Variants in PPP1R13L observed in about 807,000 individuals in gnomAD.
PPP1R13L encodes the protein relA-associated inhibitor.
In PPP1R13L, 50 loss-of-function variants were observed where a neutral mutation model predicts 80.9. That is an observed-to-expected ratio of 0.62 (90% CI 0.49 to 0.78). PPP1R13L has a LOEUF of 0.78. Among genes scored for constraint, PPP1R13L ranks in the 30% least tolerant of loss-of-function variants. The pLI, the probability that PPP1R13L is intolerant of heterozygous loss-of-function variation, is 0.00. For synonymous variants in PPP1R13L, 602 were observed against 534.3 expected (o/e 1.13, Z -1.75); for missense variants, 1,200 against 1,205.9 (o/e 1.00, Z 0.07).
Position 45,396,950 on chromosome 19 carries a change from C to T in PPP1R13L, c.307G>A (p.Ala103Thr), listed in dbSNP as rs889642954. ...ADTPFGRSES[A>T]PTLHPYSPLS... ...GGGCTGTAGGGGTGTAGGGTTGGGG[C>T]ACTCTCTGATCGTCCGAACGGGGTG... The change falls in exon 4 of 13, where the codon GCC becomes ACC. Residue 103 changes from alanine to threonine, a missense_variant. This residue lies in a region of PPP1R13L where 764 missense variants were observed against 714.5 expected (regional missense o/e 1.07). Coordinates refer to ENST00000360957, the MANE Select transcript of PPP1R13L (RefSeq NM_006663.4). This position sits in a 1 kb window ranked among gnomAD's most constrained non-coding sequence, Gnocchi z 5.3. 3.5e-6 allele frequency: 5 copies of T among 1,429,364 alleles called. No homozygotes were observed. The highest frequency in any genetic ancestry group is 4.6e-6 in the Non-Finnish European group (5 of 1,093,242). 88.5% of individuals were successfully genotyped at this position (1,429,364 alleles called of 1,614,324 possible). A position where few individuals can be genotyped will look rare whatever the true frequency, so the allele number is the denominator to read the frequency against.
In PPP1R13L at chr19:45,385,819, C is replaced by A; in HGVS notation, c.2081+5G>T. ...ACCCAGCCCACCGCGCGGGTCGGGG[C>A]TCACCAGCCGTGGCTGTCGGGGGAG... On this transcript the variant is annotated splice_donor_5th_base_variant and intron_variant, in intron 10 of 12. Coordinates refer to ENST00000360957, the MANE Select transcript of PPP1R13L (RefSeq NM_006663.4). The A allele has an allele frequency of 6.2e-7, 1 of 1,610,372 alleles. No individual in the cohort carries two copies. Among genetic ancestry groups the A allele is most frequent in the East Asian group, 2.2e-5 (1 of 44,794 alleles).
chr19:45,394,530 C>G (rs1397950651), intron 7 of PPP1R13L: 1 of 152,008 alleles, frequency 6.6e-6, no homozygotes, highest in Non-Finnish European at 1.5e-5. Flanking sequence ...GTCACCTGTG[C>G]TGGAGTGCAG....
intron 1 of PPP1R13L, among the ~76,000 whole-genome samples, chr19:45,401,259 G>A (rs2123401677): frequency 6.6e-6 from 1 of 151,454 alleles, no homozygotes; most frequent in East Asian, 2.0e-4. Flanking sequence ...GGAGGCTGAG[G>A]CAGGAGAATG....
intron 11 of PPP1R13L, among the ~76,000 whole-genome samples, chr19:45,384,424 A>T (rs1972827910): frequency 6.6e-6 from 1 of 151,012 alleles, no homozygotes; most frequent in Non-Finnish European, 1.5e-5. Context: ...AATCCCAGTT[A>T]CTCGGGAGCC....
rs767862816 is a variant in PPP1R13L at position 45,396,586 on chromosome 19, C to G, written c.671G>C (p.Gly224Ala). 117 of 1,499,842 alleles carry G rather than the reference C, an allele frequency of 7.8e-5. No homozygotes were observed. The highest frequency in any genetic ancestry group is 3.6e-4 in the Admixed American group (16 of 44,036). 92.9% of individuals were successfully genotyped at this position (1,499,842 alleles called of 1,614,324 possible). The change falls in exon 4 of 13, where the codon GGC (glycine) becomes GCC (alanine). Residue 224 changes from glycine to alanine, a missense_variant. Around this residue, in one of 5 missense-constraint regions of PPP1R13L, gnomAD observed 764 missense variants for 714.5 expected, o/e 1.07. Transcript: ENST00000360957. This position sits in a 1 kb window ranked among gnomAD's most constrained non-coding sequence, Gnocchi z 5.3. Reference protein sequence around the residue: ...PASAFGSSLLGSGGSAFAPPL... With the variant: ...PASAFGSSLLASGGSAFAPPL... ...CGGGGCGAATGCGCTGCCGCCGGAG[C>G]CTAGCAGGGAGCTCCCGAAGGCGGA...
chr19:45,393,224 A>AACAC (rs543706703), intron 7 of PPP1R13L: 4 of 149,742 alleles, frequency 2.7e-5, no homozygotes, highest in Non-Finnish European at 5.9e-5. Context: ...CACACACACA[A>AACAC]ACACACACAC....
chr19:45,395,295 C>T, intron 7 of PPP1R13L, 141 bp downstream of exon 7: 1 of 1,214,448 alleles, frequency 8.2e-7, no homozygotes, highest in Non-Finnish European at 1.2e-6. Flanking sequence ...TTCCCAAACT[C>T]ACCTGGCCTA....
rs112524297 is a variant in PPP1R13L, at chr19:45,383,953, C to G, written c.2249-1227G>C. Among the ~76,000 whole-genome samples, 383 of 151,896 alleles carry G rather than the reference C, an allele frequency of 2.5e-3. 1 individual carries two copies. The highest frequency in any genetic ancestry group is 8.7e-3 in the African/African-American group (359 of 41,446). On this transcript the variant is annotated intron_variant, in intron 11 of 12. Transcript: ENST00000360957. ...AATTGTTTTATATTTTTAATAGAGA[C>G]GGGGTTTCACCGTGTTGCCCAGGCT...
chr19:45,393,756 C>T (rs1487250003), intron 7 of PPP1R13L, among the ~76,000 whole-genome samples: 1 of 151,838 alleles, frequency 6.6e-6, no homozygotes, highest in African/African-American at 2.4e-5. Flanking sequence ...GCCTGTAGTC[C>T]CAGCCACTCG....
chr19:45,392,093 G>A lies in PPP1R13L; in HGVS notation c.1602C>T (p.Ala534=). The A allele has an allele frequency of 6.5e-7, 1 of 1,543,000 alleles. No individual in the cohort carries two copies. The highest frequency in any genetic ancestry group is 8.7e-7 in the Non-Finnish European group (1 of 1,144,812). The change falls in exon 8 of 13, where the codon GCC becomes GCT. Residue 534 remains alanine (A), a synonymous_variant. Transcript: ENST00000360957. ...RGSMEQAPAV[A]LPPTHKKQYQ... ...ACTGTTTCTTGTGGGTAGGGGGCAG[G>A]GCCACAGCAGGGGCCTGCTCCATGG... is the stretch of plus-strand genomic sequence containing the variant.
At chr19:45,405,294 A>G (rs1432222058), upstream of PPP1R13L, among the ~76,000 whole-genome samples, 2 of 152,196 alleles carry the variant, frequency 1.3e-5, no homozygotes, top group Non-Finnish European at 2.9e-5. Flanking sequence ...AGGGAGATAC[A>G]GAAGAGCCGA....
chr19:45,396,629 C>A lies in PPP1R13L; in HGVS notation c.628G>T (p.Ala210Ser). ...AAGGCGGACGCTGGCGCGTCGTAGG[C>A]TGTGGCAGGGGGGCGCGGTGACGGC... ...RGPSPRPPAT[A>S]YDAPASAFGS... The change falls in exon 4 of 13, where the codon GCC becomes TCC. Residue 210 changes from alanine (A) to serine (S), a missense_variant. Physicochemically the swap from Ala to Ser is moderately conservative, Grantham distance 99. This residue lies in a region of PPP1R13L where 764 missense variants were observed against 714.5 expected (regional missense o/e 1.07). Transcript: ENST00000360957. This position sits in a 1 kb window ranked among gnomAD's most constrained non-coding sequence, Gnocchi z 5.3. The A allele has an allele frequency of 6.7e-7, 1 of 1,483,754 alleles. No individual in the cohort carries two copies. The highest frequency in any genetic ancestry group is 8.9e-7 in the Non-Finnish European group (1 of 1,126,832). 91.9% of individuals were successfully genotyped at this position (1,483,754 alleles called of 1,614,324 possible).
rs1973095909 is a variant in PPP1R13L at position 45,396,459 on chromosome 19, G to A, written c.713-23C>T. ...CGTCTGGGGAGAAGTTTCCAGGGAG[G>A]ATGAGACGGGAGGGGTGGCGAGCCC... On this transcript the variant is annotated intron_variant, in intron 4 of 12. Coordinates refer to ENST00000360957, the MANE Select transcript of PPP1R13L (RefSeq NM_006663.4). This position sits in a 1 kb window ranked among gnomAD's most constrained non-coding sequence, Gnocchi z 5.3. The A allele has an allele frequency of 6.2e-7, 1 of 1,613,424 alleles. No homozygotes were observed. Among genetic ancestry groups the A allele is most frequent in the African/African-American group, 1.3e-5 (1 of 74,934 alleles).
rs1296944730 is a variant in PPP1R13L, at chr19:45,396,980, C to T, written c.277G>A (p.Ala93Thr). 3.6e-6 allele frequency: 5 copies of T among 1,384,550 alleles called. No homozygotes were observed. The highest frequency in any genetic ancestry group is 1.8e-5 in the South Asian group (1 of 56,068). The allele number at this position is 1,384,550 out of a possible 1,614,324, so 85.8% of individuals were successfully genotyped here. ...TCTGATCGTCCGAACGGGGTGTCTG[C>T]GCCGTCGGTGGCCGCCTTCCGGGGG... is the stretch of plus-strand genomic sequence containing the variant. The part of the protein sequence containing the change: ...GSPRKAATDG[A>T]DTPFGRSESA... The change falls in exon 4 of 13, where the codon GCA (alanine) becomes ACA (threonine). Residue 93 changes from alanine to threonine, a missense_variant. Ala to Thr is a moderately conservative substitution (Grantham distance 58). Coordinates refer to ENST00000360957, the MANE Select transcript of PPP1R13L (RefSeq NM_006663.4). The surrounding 1 kb of genome is among the most constrained non-coding windows in gnomAD (Gnocchi z 5.3).
At position 45,395,587 on chromosome 19, in the gene PPP1R13L, T is replaced by A; in HGVS notation, c.1203A>T (p.Ala401=). ...GTTGGGGCTGCAGCTTAGGCGGGGG[T>A]GCTCGGGTGAAGAGGGGGGACCCAG... ...MLPGSPLFTR[A]PPPKLQPQPQ... is the part of the protein sequence containing the mutation. Residue 401 remains alanine (A), a synonymous_variant, in exon 7 of 13, where the codon GCA becomes GCT. Transcript: ENST00000360957. 6.9e-7 allele frequency: 1 copy of A among 1,457,044 alleles called. No homozygotes were observed. 90.3% of individuals were successfully genotyped at this position (1,457,044 alleles called of 1,614,324 possible). A position where few individuals can be genotyped will look rare whatever the true frequency, so the allele number is the denominator to read the frequency against.
At chr19:45,403,986 G>T (rs1164258185) in intron 1 of PPP1R13L, among the ~76,000 whole-genome samples, 1 of 152,062 alleles carries the variant, frequency 6.6e-6, no homozygotes, top group Non-Finnish European at 1.5e-5. Context: ...ACAGATGGGC[G>T]TGGAGGTGAC....
intron 11 of PPP1R13L, among the ~76,000 whole-genome samples, chr19:45,384,058 G>A (rs559665133): frequency 2.6e-5 from 4 of 151,370 alleles, no homozygotes; most frequent in Non-Finnish European, 4.4e-5. Flanking sequence ...GAGCCACCGC[G>A]CCTGGCTTTC....
intron 1 of PPP1R13L, among the ~76,000 whole-genome samples, chr19:45,399,424 A>G (rs1031008048): frequency 2.1e-5 from 3 of 143,950 alleles, no homozygotes; most frequent in Non-Finnish European, 4.5e-5. Flanking sequence ...GGAGAGCGAG[A>G]CCATCCTGGC....
Position 45,386,194 on chromosome 19 carries a change from C to T in PPP1R13L, c.1816-14G>A, listed in dbSNP as rs758631354. 1.3e-6 allele frequency: 2 copies of T among 1,504,214 alleles called. No individual in the cohort carries two copies. Among genetic ancestry groups the T allele is most frequent in the Non-Finnish European group, 8.8e-7 (1 of 1,140,350 alleles). 93.2% of individuals were successfully genotyped at this position (1,504,214 alleles called of 1,614,324 possible). ...AGAGCGCATCTCCTGGGGGACAGGG[C>T]GCAGAGGTCAGCGACTTGGAGGGAT... On this transcript the variant is annotated splice_polypyrimidine_tract_variant and intron_variant, in intron 8 of 12. Coordinates refer to ENST00000360957, the MANE Select transcript of PPP1R13L (RefSeq NM_006663.4).
Sources: gnomAD v4.1 joint callset for allele counts (sites outside exome capture counted in the v4.1 genomes callset) on GRCh38, gnomAD v4.1.1 for gene constraint, gnomAD v4.1.1 regional missense constraint, Gnocchi (gnomAD v3.1) non-coding constraint, MANE v1.5 for transcripts, NCBI Gene and HGNC (gene_info 2026-07-23, HGNC 2026-07-21) for gene names.